The following XPO5 variants were observed in gnomAD, a reference collection of about 807,000 sequenced individuals.
XPO5 encodes exportin 5.
A neutral mutation model predicts 160.6 loss-of-function variants in XPO5; 46 were observed. The ratio of observed to expected loss-of-function variants is 0.29; its 90% CI spans 0.23 to 0.37. The LOEUF (loss-of-function observed/expected upper bound fraction) is 0.37, where lower values mean the gene tolerates loss of function less well. Among genes scored for constraint, XPO5 ranks in the 10% least tolerant of loss-of-function variants. The pLI is 1.00. For missense variants in XPO5, 1,090 were observed against 1,463.9 expected (o/e 0.74, Z 4.17); for synonymous variants, 537 against 519.3 (o/e 1.03, Z -0.46).
chr6:43,566,362 C>G (rs1358245561), intron 7 of XPO5, among the ~76,000 whole-genome samples: 1 of 151,872 alleles, frequency 6.6e-6, no homozygotes, highest in East Asian at 1.9e-4. Flanking sequence ...CCACTGCACT[C>G]CAGCCTAGAC....
chr6:43,536,178 G>A (rs2127713869), intron 20 of XPO5, among the ~76,000 whole-genome samples: 1 of 151,940 alleles, frequency 6.6e-6, no homozygotes, highest in African/African-American at 2.4e-5. Flanking sequence ...ACTTTGGGAG[G>A]CTAAGGCAGA....
At chr6:43,558,403 G>C (rs1405017985) in intron 12 of XPO5, 98 bp downstream of exon 12, 3 of 1,087,040 alleles carry the variant, frequency 2.8e-6, no homozygotes, top group South Asian at 1.7e-5. Flanking sequence ...CAGATTTGGG[G>C]ATCTTTCGTA....
chr6:43,526,787 A>G, intron 26 of XPO5, 40 bp from the exon 27 acceptor site: 11 of 1,600,842 alleles, frequency 6.9e-6, no homozygotes, highest in Non-Finnish European at 9.4e-6. Flanking sequence ...AAGGGTGGGT[A>G]TATACTACCA....
chr6:43,566,170 A>C (rs576725504), intron 7 of XPO5, among the ~76,000 whole-genome samples: 37 of 152,324 alleles, frequency 2.4e-4, no homozygotes, highest in Admixed American at 7.2e-4. Context: ...AAGCAGGTGG[A>C]TCACTTGAGG....
chr6:43,570,598 T>C lies in XPO5; in HGVS notation c.525A>G (p.Arg175=). 2 of 1,613,882 alleles carry C rather than the reference T, an allele frequency of 1.2e-6. No individual in the cohort carries two copies. Among genetic ancestry groups the C allele is most frequent in the Non-Finnish European group, 1.7e-6 (2 of 1,179,840 alleles). ...GGGTTAATGTTTGCTGGATGTCCCT[T>C]CTTCTTTGAGGGGGAAGTGTCTGAA... The part of the protein sequence containing the change: ...VTFQTLPPQR[R]RDIQQTLTQN... The change falls in exon 5 of 32, where the codon AGA becomes AGG. Residue 175 remains arginine (R), a synonymous_variant. Coordinates refer to ENST00000265351, the MANE Select transcript of XPO5 (RefSeq NM_020750.3).
At chr6:43,553,208 A>G (rs1157421382) in intron 14 of XPO5, among the ~76,000 whole-genome samples, 165 bp downstream of exon 14, 1 of 152,128 alleles carries the variant, frequency 6.6e-6, no homozygotes, top group Non-Finnish European at 1.5e-5. Context: ...AGCCTGAGGT[A>G]GGAGGATTGC....
intron 8 of XPO5, 125 bp from the exon 9 acceptor site, chr6:43,562,471 T>C (rs1212314572): frequency 1.3e-6 from 1 of 747,836 alleles, no homozygotes; most frequent in African/African-American, 1.8e-5. Flanking sequence ...TCCAATAGCT[T>C]TGCTAAATTA....
Position 43,570,646 on chromosome 6 carries a change from T to C in XPO5, c.477A>G (p.Arg159=). 1.9e-6 allele frequency: 3 copies of C among 1,613,280 alleles called. No individual in the cohort carries two copies. Among genetic ancestry groups the C allele is most frequent in the Non-Finnish European group, 2.5e-6 (3 of 1,179,616 alleles). The change falls in exon 5 of 32, where the codon CGA becomes CGG. Residue 159 remains arginine (R), a synonymous_variant. Coordinates refer to ENST00000265351, the MANE Select transcript of XPO5 (RefSeq NM_020750.3). The stretch of plus-strand genomic sequence containing the variant: ...GAAAAGTCACTACATCCTCTGCCAG[T>C]CGCAAAAGGATAAACATCACCAATT... ...QTELVMFILL[R]LAEDVVTFQT...
rs571433571 is a variant in XPO5, at chr6:43,575,955, G to C, written c.-91C>G. ...CTCGGCGAGACCACCCGTTGGTACCGGGCCGCGGCGGGCGGCGGGGGTGGG... is the reference window on the plus strand; with the variant it reads ...CTCGGCGAGACCACCCGTTGGTACCCGGCCGCGGCGGGCGGCGGGGGTGGG... On this transcript the variant is annotated 5_prime_UTR_variant, in exon 1 of 32. Coordinates refer to ENST00000265351, the MANE Select transcript of XPO5 (RefSeq NM_020750.3). 617 of 1,280,376 alleles carry C rather than the reference G, an allele frequency of 4.8e-4. 1 individual carries two copies. Among genetic ancestry groups the C allele is most frequent in the Non-Finnish European group, 6.2e-4 (567 of 910,898 alleles). 79.3% of individuals were successfully genotyped at this position (1,280,376 alleles called of 1,614,324 possible). A position where few individuals can be genotyped will look rare whatever the true frequency, so the allele number is the denominator to read the frequency against.
intron 23 of XPO5, chr6:43,529,378 T>TA (rs35493258): frequency 0.055 from 6,681 of 121,674 alleles, 410 homozygotes; most frequent in African/African-American, 0.18. Context: ...CCGTCTCTAC[T>TA]AAAAAAAAAA....
chr6:43,536,628 A>G (rs1794339669), intron 20 of XPO5, among the ~76,000 whole-genome samples: 1 of 150,668 alleles, frequency 6.6e-6, no homozygotes, highest in South Asian at 2.1e-4. Flanking sequence ...GCATGGTGGC[A>G]CACGCCTGTA....
intron 1 of XPO5, among the ~76,000 whole-genome samples, chr6:43,573,954 C>G (rs1054488959): frequency 7.9e-5 from 12 of 151,456 alleles, no homozygotes; most frequent in Admixed American, 1.3e-4. Context: ...CTCCTGAGCC[C>G]ATGTAGCTGG....
intron 24 of XPO5, 51 bp from the exon 25 acceptor site, chr6:43,528,256 C>T (rs373197283): frequency 1.0e-5 from 16 of 1,524,626 alleles, no homozygotes; most frequent in African/African-American, 1.4e-5. Context: ...AGGATTGGAA[C>T]ACATAATATC....
chr6:43,539,843 A>T, intron 20 of XPO5: 1 of 516,568 alleles, frequency 1.9e-6, no homozygotes, highest in African/African-American at 2.0e-5. Context: ...GGTCTAATTT[A>T]ACTACTACCA....
At chr6:43,544,955 C>T (rs1218571445) in intron 20 of XPO5, among the ~76,000 whole-genome samples, 1 of 152,174 alleles carries the variant, frequency 6.6e-6, no homozygotes, top group Non-Finnish European at 1.5e-5. Context: ...TCACTGCAAT[C>T]TCCGCCTCCC....
chr6:43,551,956 C>T (rs765031786), intron 14 of XPO5, among the ~76,000 whole-genome samples: 10 of 152,264 alleles, frequency 6.6e-5, no homozygotes, highest in East Asian at 3.9e-4. Flanking sequence ...TGTGAACCAC[C>T]GTACTCAGCT....
rs1314253346 is a variant in XPO5, at chr6:43,549,554, T to C, written c.1795A>G (p.Asn599Asp). 1.2e-6 allele frequency: 2 copies of C among 1,613,442 alleles called. No homozygotes were observed. The highest frequency in any genetic ancestry group is 8.5e-7 in the Non-Finnish European group (1 of 1,179,744). The stretch of plus-strand genomic sequence containing the variant: ...GAGGAACAAGCATGCCTCCTCACAT[T>C]CCTCACTGCCCGGGTTCTGGGGGCC... ...SKAPRTRAVR[N>D]VRRHACSSII... Residue 599 changes from asparagine to aspartate, a missense_variant, in exon 17 of 32, where the codon AAT becomes GAT. Coordinates refer to ENST00000265351, the MANE Select transcript of XPO5 (RefSeq NM_020750.3).
At chr6:43,541,000 A>G (rs1794662351) in intron 20 of XPO5, among the ~76,000 whole-genome samples, 1 of 152,186 alleles carries the variant, frequency 6.6e-6, no homozygotes, top group South Asian at 2.1e-4. Flanking sequence ...TAAGCCAGGC[A>G]CAGAAAGACA....
Position 43,560,157 on chromosome 6 carries a change from G to A in XPO5, c.1221+21C>T, listed in dbSNP as rs764588285. ...ATGTGTATTCACCTACATTCCACAT[G>A]TTTAGATTCCCATTATATACCTTGA... On this transcript the variant is annotated intron_variant, in intron 11 of 31. Coordinates refer to ENST00000265351, the MANE Select transcript of XPO5 (RefSeq NM_020750.3). 10 of 1,609,688 alleles carry A rather than the reference G, an allele frequency of 6.2e-6. No individual in the cohort carries two copies. In the African/African-American group the frequency reaches 9.4e-5, roughly 15 times the overall value.
Sources: gnomAD v4.1 joint callset for allele counts (sites outside exome capture counted in the v4.1 genomes callset) on GRCh38, gnomAD v4.1.1 for gene constraint, MANE v1.5 for transcripts, NCBI Gene and HGNC (gene_info 2026-07-23, HGNC 2026-07-21) for gene names.